UBE2H: variants seen among roughly 807,000 people sequenced by gnomAD.
The protein encoded by UBE2H is ubiquitin conjugating enzyme E2 H.
UBE2H carries 3 observed loss-of-function variants against 29.0 expected under a neutral mutation model. The observed-to-expected ratio is 0.10, with a 90% CI of 0.05 to 0.27. The LOEUF is 0.27. UBE2H is among the 10% of genes least tolerant of loss of function. UBE2H has a pLI of 1.00. For missense variants in UBE2H, 68 were observed against 228.2 expected, an observed-to-expected ratio of 0.30 and a Z score of 4.52; for synonymous variants, 69 against 82.9, an observed-to-expected ratio of 0.83 and a Z score of 0.91.
intron 1 of UBE2H, among the ~76,000 whole-genome samples, chr7:129,924,197 C>A (rs1254076306): frequency 1.3e-5 from 2 of 152,144 alleles, no homozygotes; most frequent in Admixed American, 6.5e-5. Flanking sequence ...TATAGTGAGA[C>A]CCTGTCTCTA....
At chr7:129,921,874 C>G (rs1484684323) in intron 1 of UBE2H, among the ~76,000 whole-genome samples, 1 of 152,124 alleles carries the variant, frequency 6.6e-6, no homozygotes, top group Non-Finnish European at 1.5e-5. Flanking sequence ...GACAAAACAT[C>G]TCACCATTTC....
intron 3 of UBE2H, among the ~76,000 whole-genome samples, chr7:129,876,386 A>G (rs193094507): frequency 6.6e-6 from 1 of 152,334 alleles, no homozygotes; most frequent in African/African-American, 2.4e-5. Flanking sequence ...TAAGCACTCT[A>G]GGAACTAATG....
At chr7:129,928,586 A>G (rs2116487391) in intron 1 of UBE2H, among the ~76,000 whole-genome samples, 1 of 152,308 alleles carries the variant, frequency 6.6e-6, no homozygotes, top group South Asian at 2.1e-4. Flanking sequence ...CTGCGCGACA[A>G]AGCGAGACTC....
chr7:129,848,311 A>G (rs1258397941), intron 5 of UBE2H, among the ~76,000 whole-genome samples: 3 of 152,238 alleles, frequency 2.0e-5, no homozygotes, highest in Non-Finnish European at 4.4e-5. Flanking sequence ...TGCATCCTCC[A>G]GAAGCATGCT....
chr7:129,861,222 TAA>T (rs539177122), intron 3 of UBE2H, among the ~76,000 whole-genome samples: 5 of 142,792 alleles, frequency 3.5e-5, no homozygotes, highest in Admixed American at 1.4e-4. Context: ...AGACTGTCTT[TAA>T]AAAAAAAAAA....
chr7:129,922,746 T>C (rs992979035), intron 1 of UBE2H, among the ~76,000 whole-genome samples: 15 of 152,166 alleles, frequency 9.9e-5, no homozygotes, highest in Non-Finnish European at 1.9e-4. Flanking sequence ...ATTCTAATTA[T>C]ATGTATCTGA....
chr7:129,936,130 C>T (rs957519621), intron 1 of UBE2H, among the ~76,000 whole-genome samples: 2 of 152,068 alleles, frequency 1.3e-5, no homozygotes, highest in African/African-American at 4.8e-5. Flanking sequence ...TAATAAGATG[C>T]CATCAGAACT....
intron 5 of UBE2H, among the ~76,000 whole-genome samples, chr7:129,841,544 TAATTA>T (rs1805429750): frequency 6.6e-6 from 1 of 152,260 alleles, no homozygotes; most frequent in South Asian, 2.1e-4. Flanking sequence ...TATTTAATTC[TAATTA>T]AATTTAAATA....
chr7:129,890,200 T>C (rs1027926745), intron 1 of UBE2H, among the ~76,000 whole-genome samples: 2 of 151,990 alleles, frequency 1.3e-5, no homozygotes, highest in Non-Finnish European at 2.9e-5. Context: ...GACCTTAATT[T>C]TAGCCTCTCA....
chr7:129,867,388 T>C (rs111544995), intron 3 of UBE2H, among the ~76,000 whole-genome samples: 2,155 of 142,800 alleles, frequency 0.015, 37 homozygotes, highest in African/African-American at 0.04. Context: ...GATGAGTTCA[T>C]ATCCTTTGTA....
Position 129,880,953 on chromosome 7 carries a change from C to T in UBE2H, c.72G>A (p.Glu24=). 1 of 1,613,540 alleles carries T rather than the reference C, an allele frequency of 6.2e-7. No homozygotes were observed. The highest frequency in any genetic ancestry group is 1.7e-4 in the Middle Eastern group (1 of 6,060). Residue 24 remains glutamate (E), a synonymous_variant, in exon 2 of 7, where the codon GAG becomes GAA. Transcript: ENST00000355621. The stretch of plus-strand genomic sequence containing the variant: ...CATTAAGTCCTCCCAGGATCGTAAC[C>T]TCATGTTTACTCTCGATGCTAAGGT... ...DVVKLIESKH[E]VTILGGLNEF... is the part of the protein sequence containing the mutation.
chr7:129,913,951 C>A (rs1806991919), intron 1 of UBE2H, among the ~76,000 whole-genome samples: 1 of 152,136 alleles, frequency 6.6e-6, no homozygotes, highest in Non-Finnish European at 1.5e-5. Context: ...TATAAAAGAA[C>A]AAATGGAATC....
chr7:129,952,466 C>T (rs375448870), intron 1 of UBE2H, 37 bp downstream of exon 1: 74 of 1,607,032 alleles, frequency 4.6e-5, no homozygotes, highest in African/African-American at 8.0e-5. Flanking sequence ...CACACCGCCC[C>T]CCACACACAG....
At chr7:129,912,825 C>T (rs571732809) in intron 1 of UBE2H, among the ~76,000 whole-genome samples, 17 of 152,110 alleles carry the variant, frequency 1.1e-4, no homozygotes, top group Admixed American at 3.9e-4. Context: ...GAAATGTACA[C>T]TATGTTCAAG....
intron 1 of UBE2H, among the ~76,000 whole-genome samples, chr7:129,910,334 AAAAAC>A (rs979363319): frequency 4.0e-5 from 6 of 151,818 alleles, no homozygotes; most frequent in African/African-American, 1.2e-4. Context: ...ATCTCAAAAA[AAAAAC>A]AAAAACAAAA....
chr7:129,920,848 CAAAAA>C (rs11347186), intron 1 of UBE2H, among the ~76,000 whole-genome samples: 10 of 73,980 alleles, frequency 1.4e-4, no homozygotes, highest in Non-Finnish European at 2.0e-4. Flanking sequence ...TAGAAAAAGT[CAAAAA>C]AAAAAAAAAA....
In UBE2H at chr7:129,942,912, G is replaced by A. The variant is rs190996936; in HGVS notation, c.53+9591C>T. 1.3e-3 allele frequency among the ~76,000 whole-genome samples: 189 copies of A among 150,990 alleles called. 4 individuals are homozygous for A. The highest frequency in any genetic ancestry group is 4.3e-4 in the Non-Finnish European group (29 of 67,822). ...GGTTGGAGTGCAGTGGCATAATCTC[G>A]GCTCACCACAACCTCCGACTCCCAG... On this transcript the variant is annotated intron_variant, in intron 1 of 6. Transcript: ENST00000355621.
rs1240751769 is a variant in UBE2H, at chr7:129,832,685, A to G, written c.*2252T>C. ...GGCAGAGTCATGGCACTGCTCACAC[A>G]CCTTCCCGAAACTGGGGTCTATTCA... On this transcript the variant is annotated 3_prime_UTR_variant, in exon 7 of 7. Coordinates refer to ENST00000355621, the MANE Select transcript of UBE2H (RefSeq NM_003344.4). 6.6e-6 allele frequency: 1 copy of G among 152,032 alleles called. No homozygotes were observed. Among genetic ancestry groups the G allele is most frequent in the Admixed American group, 6.6e-5 (1 of 15,264 alleles). The allele number at this position is 152,032 out of a possible 1,614,324, so 9.4% of individuals were successfully genotyped here.
intron 1 of UBE2H, among the ~76,000 whole-genome samples, chr7:129,918,096 A>C (rs944900034): frequency 6.6e-6 from 1 of 152,194 alleles, no homozygotes; most frequent in African/African-American, 2.4e-5. Flanking sequence ...TCAAACTTTC[A>C]TGTCTTAAAG....
Sources: allele counts gnomAD v4.1 joint callset (sites outside exome capture counted in the v4.1 genomes callset), GRCh38; gene constraint gnomAD v4.1.1; transcripts MANE v1.5; gene names NCBI Gene and HGNC (gene_info 2026-07-23, HGNC 2026-07-21).